The following RAD51B variants were observed in gnomAD, a reference collection of about 807,000 sequenced individuals.
The protein encoded by RAD51B is DNA repair protein RAD51 homolog 2.
Under a neutral mutation model 42.2 loss-of-function variants are expected in RAD51B, and 38 were observed. The ratio of observed to expected loss-of-function variants is 0.90; its 90% confidence interval spans 0.70 to 1.18. RAD51B has a LOEUF of 1.18. RAD51B is among the 50% of genes most tolerant of loss of function. RAD51B has a pLI of 0.00. For synonymous variants in RAD51B, 154 were observed against 145.2 expected (o/e 1.06, Z -0.43); for missense variants, 373 against 400.7 (o/e 0.93, Z 0.59).
downstream of RAD51B, among the ~76,000 whole-genome samples, chr14:68,481,891 A>G (rs1035042981): frequency 6.6e-6 from 1 of 152,230 alleles, no homozygotes; most frequent in African/African-American, 2.4e-5. Flanking sequence ...TAGTAGTTTG[A>G]TCTTCTACTC....
chr14:67,820,208 G>C lies in RAD51B; in HGVS notation c.-3+355G>C, dbSNP rs114068776. 7.0e-3 allele frequency among the ~76,000 whole-genome samples: 1,073 copies of C among 152,282 alleles called. 16 individuals are homozygous for C. Among genetic ancestry groups the C allele is most frequent in the African/African-American group, 0.025 (1,027 of 41,548 alleles). ...AAGTTGAGGGACTCTCCCACTTCAG[G>C]TGGTGTTGGAGAGCGTGGAATCTGG... On this transcript the variant is annotated intron_variant, in intron 1 of 10. Coordinates refer to ENST00000471583, the MANE Select transcript of RAD51B (RefSeq NM_133510.4).
intron 8 of RAD51B, among the ~76,000 whole-genome samples, chr14:68,332,832 A>G (rs2082377085): frequency 6.6e-6 from 1 of 152,242 alleles, no homozygotes; most frequent in African/African-American, 2.4e-5. Context: ...GAGAAGAAAC[A>G]TCTTTAAATC....
intron 8 of RAD51B, among the ~76,000 whole-genome samples, chr14:68,299,801 A>G (rs576953323): frequency 3.9e-5 from 6 of 152,342 alleles, no homozygotes; most frequent in Non-Finnish European, 8.8e-5. Flanking sequence ...ATAAATAGGA[A>G]CTAAAAGACA....
chr14:67,941,031 A>G (rs1671254373), intron 7 of RAD51B, among the ~76,000 whole-genome samples: 1 of 152,152 alleles, frequency 6.6e-6, no homozygotes, highest in Admixed American at 6.5e-5. Context: ...ATGATGCAGT[A>G]TTTAATTTGG....
In RAD51B at chr14:68,639,521, C is replaced by G. The variant is rs116203337; in HGVS notation, c.1037-11260C>G. Among the ~76,000 whole-genome samples the G allele has an allele frequency of 1.5e-3, 228 of 152,162 alleles. 1 individual carries two copies. The highest frequency in any genetic ancestry group is 5.2e-3 in the African/African-American group (215 of 41,500). ...GGTCACCTCTGCCACAGGACAGGGACAGGGACTGTGATCTGAAGGAATATG... is the reference window on the plus strand; with the variant it reads ...GGTCACCTCTGCCACAGGACAGGGAGAGGGACTGTGATCTGAAGGAATATG... On this transcript the variant is annotated intron_variant, in intron 10 of 11. Coordinates refer to the RAD51B transcript ENST00000488612.
At chr14:68,120,842 C>G (rs2077638499) in intron 7 of RAD51B, among the ~76,000 whole-genome samples, 1 of 152,114 alleles carries the variant, frequency 6.6e-6, no homozygotes. Flanking sequence ...AAAGAATCCT[C>G]CCAAGTTTTT....
At chr14:68,347,452 C>G (rs1229485708) in intron 8 of RAD51B, among the ~76,000 whole-genome samples, 2 of 152,154 alleles carry the variant, frequency 1.3e-5, no homozygotes, top group African/African-American at 4.8e-5. Context: ...GAGGCCAAGG[C>G]AGAAGGATCG....
chr14:68,096,354 T>G (rs1173829324), intron 7 of RAD51B, among the ~76,000 whole-genome samples: 3 of 152,198 alleles, frequency 2.0e-5, no homozygotes, highest in Non-Finnish European at 4.4e-5. Flanking sequence ...TTATAGAATA[T>G]TGTGTGAATG....
intron 4 of RAD51B, 149 bp downstream of exon 4, chr14:67,835,345 C>T (rs1294087592): frequency 3.2e-6 from 2 of 634,756 alleles, no homozygotes; most frequent in Non-Finnish European, 5.4e-6. Flanking sequence ...CCACTCAGTA[C>T]TTAGTGTGGT....
At chr14:68,443,674 G>C (rs1447154307) in intron 9 of RAD51B, among the ~76,000 whole-genome samples, 1 of 151,954 alleles carries the variant, frequency 6.6e-6, no homozygotes, top group Non-Finnish European at 1.5e-5. Flanking sequence ...CATGGGGTTG[G>C]TTTTATTATG....
intron 7 of RAD51B, among the ~76,000 whole-genome samples, chr14:68,117,424 G>A (rs993400038): frequency 1.3e-5 from 2 of 152,038 alleles, no homozygotes; most frequent in Non-Finnish European, 2.9e-5. Context: ...TATACTATGG[G>A]ACCAAAAAAG....
chr14:68,380,539 T>C (rs1171237698), intron 8 of RAD51B, among the ~76,000 whole-genome samples: 1 of 152,166 alleles, frequency 6.6e-6, no homozygotes, highest in Non-Finnish European at 1.5e-5. Context: ...TTTAATCATA[T>C]TATAATTCCC....
At chr14:68,158,994 G>A (rs1340233588) in intron 7 of RAD51B, among the ~76,000 whole-genome samples, 1 of 151,854 alleles carries the variant, frequency 6.6e-6, no homozygotes, top group East Asian at 1.9e-4. Flanking sequence ...TCAAAGATTT[G>A]GTTATTTTTT....
intron 7 of RAD51B, among the ~76,000 whole-genome samples, chr14:67,912,664 G>A (rs2044023440): frequency 6.6e-6 from 1 of 151,934 alleles, no homozygotes; most frequent in African/African-American, 2.4e-5. Context: ...CTGTGATTAG[G>A]AGGATCAGGA....
rs115138576 is a variant in RAD51B at position 68,222,562 on chromosome 14, A to G, written c.757-69322A>G. Among the ~76,000 whole-genome samples, 1,206 of 152,312 alleles carry G rather than the reference A, an allele frequency of 7.9e-3. 18 individuals carry two copies. The highest frequency in any genetic ancestry group is 0.027 in the African/African-American group (1,130 of 41,556). Reference sequence around the variant, plus strand: ...GGTGGCGAGAGATAAAAGAGTTCACATTAGGTACAGTGTACACTGCTTGGG... The same window carrying G: ...GGTGGCGAGAGATAAAAGAGTTCACGTTAGGTACAGTGTACACTGCTTGGG... On this transcript the variant is annotated intron_variant, in intron 7 of 10. Coordinates refer to ENST00000471583, the MANE Select transcript of RAD51B (RefSeq NM_133510.4).
chr14:68,264,538 G>A (rs2080951265), intron 7 of RAD51B, among the ~76,000 whole-genome samples: 1 of 152,226 alleles, frequency 6.6e-6, no homozygotes, highest in South Asian at 2.1e-4. Context: ...ATTTATTCTG[G>A]TGGAATGCCA....
intron 8 of RAD51B, among the ~76,000 whole-genome samples, chr14:68,334,957 T>TTTA (rs2082418849): frequency 1.3e-5 from 1 of 78,586 alleles, no homozygotes; most frequent in South Asian, 4.4e-4. Context: ...TATATATGTT[T>TTTA]TATATATATA....
At chr14:68,023,157 T>C (rs1486492787) in intron 7 of RAD51B, among the ~76,000 whole-genome samples, 9 of 152,202 alleles carry the variant, frequency 5.9e-5, no homozygotes, top group Non-Finnish European at 1.2e-4. Context: ...ATTTATATTC[T>C]TTTGGGTATA....
chr14:68,176,855 T>C (rs151028054), intron 7 of RAD51B, among the ~76,000 whole-genome samples: 1 of 152,146 alleles, frequency 6.6e-6, no homozygotes, highest in African/African-American at 2.4e-5. Flanking sequence ...GGCTTCTGGA[T>C]TGTTTCAGTT....
Sources: allele counts gnomAD v4.1 joint callset (sites outside exome capture counted in the v4.1 genomes callset), GRCh38; gene constraint gnomAD v4.1.1; transcripts MANE v1.5; gene names NCBI Gene and HGNC (gene_info 2026-07-23, HGNC 2026-07-21).